The following EIF3H variants were observed in gnomAD, a reference collection of about 807,000 sequenced individuals.
EIF3H encodes eukaryotic translation initiation factor 3 subunit H.
Under a neutral mutation model 44.2 loss-of-function variants are expected in EIF3H, and 26 were observed. That is an observed-to-expected ratio of 0.59 (90% CI 0.43 to 0.82). The LOEUF is 0.82. Among genes scored for constraint, EIF3H ranks in the 40% least tolerant of loss-of-function variants. The pLI, the probability that EIF3H is intolerant of heterozygous loss-of-function variation, is 0.00. For missense variants in EIF3H, 359 were observed against 432.8 expected, an observed-to-expected ratio of 0.83 and a Z score of 1.51; for synonymous variants, 166 against 151.9, an observed-to-expected ratio of 1.09 and a Z score of -0.68.
rs973002919 is a variant in EIF3H at position 116,643,709 on chromosome 8, T to C, written c.*1297A>G. The C allele has an allele frequency of 6.6e-6, 1 of 152,188 alleles. No homozygotes were observed. Among genetic ancestry groups the C allele is most frequent in the African/African-American group, 2.4e-5 (1 of 41,446 alleles). The allele number at this position is 152,188 out of a possible 1,614,324, so 9.4% of individuals were successfully genotyped here. ...GCCAGGTTTCAATCTGGCTGCCTGA[T>C]CCCAGAGCCCCAGTAGTGCCTTCAA... is the stretch of plus-strand genomic sequence containing the variant. On this transcript the variant is annotated 3_prime_UTR_variant, in exon 8 of 8. Transcript: ENST00000521861.
chr8:116,755,821 G>T lies in EIF3H; in HGVS notation c.-24C>A. ...ATCTTTCCAAGCAGACAGGAAGAAA[G>T]AGAAACGTGAGTTACCGGAAGCGGA... On this transcript the variant is annotated 5_prime_UTR_variant, in exon 1 of 8. Transcript: ENST00000521861. The T allele has an allele frequency of 6.2e-7, 1 of 1,610,760 alleles. No individual in the cohort carries two copies.
intron 2 of EIF3H, among the ~76,000 whole-genome samples, chr8:116,686,831 G>C (rs200953937): frequency 6.6e-6 from 1 of 152,138 alleles, no homozygotes; most frequent in Non-Finnish European, 1.5e-5. Flanking sequence ...ATTTCAGCCA[G>C]AGGAAACCAC....
intron 2 of EIF3H, among the ~76,000 whole-genome samples, chr8:116,686,915 A>C (rs967077632): frequency 6.6e-6 from 1 of 152,212 alleles, no homozygotes; most frequent in Non-Finnish European, 1.5e-5. Flanking sequence ...TATAGGAGAA[A>C]GAATAAAAAA....
intron 1 of EIF3H, among the ~76,000 whole-genome samples, chr8:116,738,202 T>A (rs1323439537): frequency 6.6e-6 from 1 of 152,306 alleles, no homozygotes; most frequent in Non-Finnish European, 1.5e-5. Context: ...ATTTGCTATG[T>A]GGAGTTTCAC....
At position 116,642,645 on chromosome 8, in the gene EIF3H, T is replaced by G. The variant is rs1813239005; in HGVS notation, c.*2361A>C. 6.6e-6 allele frequency: 1 copy of G among 152,218 alleles called. No individual in the cohort carries two copies. Among genetic ancestry groups the G allele is most frequent in the African/African-American group, 2.4e-5 (1 of 41,458 alleles). The allele number at this position is 152,218 out of a possible 1,614,324, so 9.4% of individuals were successfully genotyped here. A position where few individuals can be genotyped will look rare whatever the true frequency, so the allele number is the denominator to read the frequency against. ...TTCTGTTCTTGGGTAAGTGAATGAT[T>G]TATTAGACCTGGTGCTCAATTTACG... On this transcript the variant is annotated 3_prime_UTR_variant, in exon 8 of 8. Coordinates refer to ENST00000521861, the MANE Select transcript of EIF3H (RefSeq NM_003756.3).
chr8:116,748,945 C>T (rs886516293), intron 1 of EIF3H, among the ~76,000 whole-genome samples: 3 of 151,916 alleles, frequency 2.0e-5, no homozygotes, highest in African/African-American at 7.3e-5. Context: ...CTAGTATTTT[C>T]GATCCATGGT....
chr8:116,707,057 G>A (rs1814483906), intron 2 of EIF3H, among the ~76,000 whole-genome samples: 2 of 152,256 alleles, frequency 1.3e-5, no homozygotes, highest in Admixed American at 6.5e-5. Context: ...TCTCCTCTAC[G>A]TTTTCAACAT....
chr8:116,693,226 GA>G (rs1814209944), intron 2 of EIF3H, among the ~76,000 whole-genome samples: 1 of 152,066 alleles, frequency 6.6e-6, no homozygotes, highest in African/African-American at 2.4e-5. Context: ...GAAATATAAA[GA>G]ACATTCAATT....
chr8:116,681,926 A>G lies in EIF3H; in HGVS notation c.290-22946T>C, dbSNP rs139574857. Among the ~76,000 whole-genome samples the G allele has an allele frequency of 1.1e-4, 17 of 152,342 alleles. No individual in the cohort carries two copies. The East Asian group carries it at 3.1e-3, about 28-fold the overall frequency. On this transcript the variant is annotated intron_variant, in intron 2 of 7. Coordinates refer to ENST00000521861, the MANE Select transcript of EIF3H (RefSeq NM_003756.3). ...GTGATAGTTAAGTTTAAAGATATAG[A>G]TAAGATAGGGAGAGAAAAAGCAAAT... is the stretch of plus-strand genomic sequence containing the variant.
chr8:116,732,395 G>A (rs1433816965), intron 1 of EIF3H, among the ~76,000 whole-genome samples: 1 of 152,020 alleles, frequency 6.6e-6, no homozygotes, highest in African/African-American at 2.4e-5. Context: ...GTTAAGGATG[G>A]CAGGTAAAAT....
upstream of EIF3H, among the ~76,000 whole-genome samples, chr8:116,756,771 C>A (rs371413888): frequency 5.9e-5 from 9 of 152,112 alleles, 1 homozygote; most frequent in East Asian, 7.7e-4. Context: ...AAGTTAATAT[C>A]CACTCATTTC....
chr8:116,737,960 A>G (rs1482069274), intron 1 of EIF3H, among the ~76,000 whole-genome samples: 1 of 148,288 alleles, frequency 6.7e-6, no homozygotes, highest in Non-Finnish European at 1.5e-5. Context: ...GCTTGAACCC[A>G]GGAAGCGGAG....
chr8:116,721,139 T>A (rs964880382), intron 2 of EIF3H, among the ~76,000 whole-genome samples: 1 of 152,100 alleles, frequency 6.6e-6, no homozygotes, highest in Admixed American at 6.6e-5. Context: ...AATGGTTTTG[T>A]GGGCCCTTCT....
At chr8:116,752,202 G>A (rs1285682535) in intron 1 of EIF3H, among the ~76,000 whole-genome samples, 1 of 152,170 alleles carries the variant, frequency 6.6e-6, no homozygotes, top group African/African-American at 2.4e-5. Flanking sequence ...TCATTTTGTG[G>A]ATGAGAAAAT....
chr8:116,654,883 T>C (rs1018977210), intron 5 of EIF3H, among the ~76,000 whole-genome samples: 2 of 149,766 alleles, frequency 1.3e-5, no homozygotes, highest in African/African-American at 4.9e-5. Context: ...TTGCCTTATA[T>C]CGAGGAAGTA....
intron 1 of EIF3H, among the ~76,000 whole-genome samples, chr8:116,752,641 A>C (rs1234906541): frequency 1.3e-5 from 2 of 148,868 alleles, no homozygotes; most frequent in Non-Finnish European, 3.0e-5. Flanking sequence ...TCCTAAGAGT[A>C]ACACTGTTCA....
chr8:116,659,725 T>C (rs1184826253), intron 2 of EIF3H, among the ~76,000 whole-genome samples: 1 of 152,202 alleles, frequency 6.6e-6, no homozygotes, highest in Non-Finnish European at 1.5e-5. Context: ...ATGACTATAA[T>C]GTATACTATA....
At chr8:116,735,985 T>G (rs538999074) in intron 1 of EIF3H, among the ~76,000 whole-genome samples, 220 of 152,314 alleles carry the variant, frequency 1.4e-3, no homozygotes, top group Non-Finnish European at 2.4e-3. Context: ...TTGGAACTTT[T>G]CAAATTCTGG....
intron 4 of EIF3H, 22 bp from the exon 5 acceptor site, chr8:116,656,027 C>G: frequency 6.2e-7 from 1 of 1,609,452 alleles, no homozygotes; most frequent in Admixed American, 1.7e-5. Context: ...GTTAAAAATA[C>G]TTTAGTCTGA....
Sources: gnomAD v4.1 joint callset for allele counts (sites outside exome capture counted in the v4.1 genomes callset) on GRCh38, gnomAD v4.1.1 for gene constraint, MANE v1.5 for transcripts, NCBI Gene and HGNC (gene_info 2026-07-23, HGNC 2026-07-21) for gene names.